BCAS1: variants seen among roughly 807,000 people sequenced by gnomAD.
BCAS1 encodes the protein breast carcinoma-amplified sequence 1.
Under a neutral mutation model 65.4 loss-of-function variants are expected in BCAS1, and 46 were observed. The ratio of observed to expected loss-of-function variants is 0.70; its 90% CI spans 0.55 to 0.90. BCAS1 has a LOEUF of 0.90. Among genes scored for constraint, BCAS1 ranks in the 40% least tolerant of loss-of-function variants. The pLI is 0.00. For missense variants in BCAS1, 793 were observed against 771.2 expected (o/e 1.03, Z -0.33); for synonymous variants, 298 against 293.5 (o/e 1.02, Z -0.16).
At chr20:53,999,257 A>G (rs1419185540) in intron 4 of BCAS1, among the ~76,000 whole-genome samples, 1 of 152,236 alleles carries the variant, frequency 6.6e-6, no homozygotes, top group East Asian at 1.9e-4. Flanking sequence ...ACTTGTTTAA[A>G]CCATGTCATC....
chr20:53,985,411 T>G lies in BCAS1; in HGVS notation c.1151A>C (p.Asn384Thr), dbSNP rs923847933. The change falls in exon 8 of 13, where the codon AAT becomes ACT. Residue 384 changes from asparagine to threonine, a missense_variant. Asn to Thr is a moderately conservative substitution (Grantham distance 65, BLOSUM62 0). Transcript: ENST00000688948. Reference sequence around the variant, plus strand: ...CCCCGATGGGTTGCATCCTTTGGAATTCTTGCCAGCCCCTTGGGTCTCCTG... The same window carrying G: ...CCCCGATGGGTTGCATCCTTTGGAAGTCTTGCCAGCCCCTTGGGTCTCCTG... ...TSQETQGAGK[N>T]SKGCNPSGHT... The G allele has an allele frequency of 6.2e-6, 10 of 1,613,954 alleles. No homozygotes were observed. The highest frequency in any genetic ancestry group is 1.7e-5 in the Admixed American group (1 of 59,984).
Position 53,948,708 on chromosome 20 carries a change from C to T in BCAS1, c.1816-3712G>A, listed in dbSNP as rs535366942. Among the ~76,000 whole-genome samples, 4 of 152,350 alleles carry T rather than the reference C, an allele frequency of 2.6e-5. 1 individual carries two copies. The South Asian group carries it at 8.3e-4, about 32-fold the overall frequency. ...AGGCCAAACCAGACCCATTCTCTTACCTGTTCTCTCTCCAGCCCAGTGAGG... is the reference window on the plus strand; with the variant it reads ...AGGCCAAACCAGACCCATTCTCTTATCTGTTCTCTCTCCAGCCCAGTGAGG... On this transcript the variant is annotated intron_variant, in intron 12 of 12. Coordinates refer to ENST00000688948, the MANE Select transcript of BCAS1 (RefSeq NM_001366298.2).
intron 4 of BCAS1, among the ~76,000 whole-genome samples, chr20:54,013,441 C>G (rs531471467): frequency 3.3e-5 from 5 of 152,214 alleles, no homozygotes; most frequent in Non-Finnish European, 5.9e-5. Context: ...CAAAAACATT[C>G]ATTGGCCAAG....
intron 3 of BCAS1, among the ~76,000 whole-genome samples, chr20:54,048,006 A>T (rs2092142681): frequency 6.6e-6 from 1 of 152,182 alleles, no homozygotes; most frequent in African/African-American, 2.4e-5. Context: ...ATAGTTGAGC[A>T]TAGAAAGTTG....
intron 6 of BCAS1, among the ~76,000 whole-genome samples, chr20:53,993,493 T>C (rs2090816916): frequency 6.6e-6 from 1 of 152,218 alleles, no homozygotes; most frequent in South Asian, 2.1e-4. Context: ...TCCACTAATG[T>C]GACCCCACAG....
Position 53,950,234 on chromosome 20 carries a change from A to G in BCAS1, c.1815+3198T>C, listed in dbSNP as rs2089471902. 4.6e-5 allele frequency among the ~76,000 whole-genome samples: 7 copies of G among 152,056 alleles called. No homozygotes were observed. In the South Asian group the frequency reaches 1.2e-3, roughly 27 times the overall value. On this transcript the variant is annotated intron_variant, in intron 12 of 12. Coordinates refer to ENST00000688948, the MANE Select transcript of BCAS1 (RefSeq NM_001366298.2). The stretch of plus-strand genomic sequence containing the variant: ...CTACCCTACCTCTCCACCCTCAGCA[A>G]CCACGGCCTTGTTTCTCTTCCTGAA...
intron 12 of BCAS1, among the ~76,000 whole-genome samples, chr20:53,952,928 T>C (rs2089572282): frequency 6.6e-6 from 1 of 152,258 alleles, no homozygotes; most frequent in South Asian, 2.1e-4. Context: ...TTAAATTTGA[T>C]TTGTCTAATT....
intron 3 of BCAS1, among the ~76,000 whole-genome samples, chr20:54,041,582 A>T (rs988896510): frequency 6.6e-6 from 1 of 152,096 alleles, no homozygotes; most frequent in African/African-American, 2.4e-5. Context: ...TGGAAAGCGT[A>T]TAAAAAAAGA....
At chr20:53,969,467 T>C (rs551340187) in intron 9 of BCAS1, among the ~76,000 whole-genome samples, 83 of 152,308 alleles carry the variant, frequency 5.4e-4, no homozygotes, top group African/African-American at 2.0e-3. Flanking sequence ...GCTTAGGAAA[T>C]ATAACATTAT....
intron 3 of BCAS1, among the ~76,000 whole-genome samples, chr20:54,054,209 T>C (rs1355125796): frequency 6.6e-6 from 1 of 152,178 alleles, no homozygotes; most frequent in African/African-American, 2.4e-5. Context: ...GTGGGGATTA[T>C]GGGAGCTACA....
At position 54,060,732 on chromosome 20, in the gene BCAS1, C is replaced by G. The variant is rs144407379; in HGVS notation, c.-5-2009G>C. 6.0e-4 allele frequency among the ~76,000 whole-genome samples: 91 copies of G among 152,212 alleles called. 1 individual carries two copies. Among genetic ancestry groups the G allele is most frequent in the African/African-American group, 2.1e-3 (89 of 41,526 alleles). On this transcript the variant is annotated intron_variant, in intron 1 of 12. Transcript: ENST00000688948. The stretch of plus-strand genomic sequence containing the variant: ...AATGACTGTTAATGTGGTTATTGTC[C>G]CATAGGTGAAGGGCAAAGTTGAATA...
chr20:54,060,297 G>C (rs141664203), intron 1 of BCAS1, among the ~76,000 whole-genome samples: 252 of 152,262 alleles, frequency 1.7e-3, no homozygotes, highest in African/African-American at 5.7e-3. Context: ...AAATGCATAG[G>C]GTTCTAAGTT....
intron 12 of BCAS1, 77 bp downstream of exon 12, chr20:53,953,355 T>G: frequency 6.4e-7 from 1 of 1,560,956 alleles, no homozygotes; most frequent in South Asian, 1.2e-5. Context: ...ACATGTAGAA[T>G]TTGAAAAACT....
chr20:54,021,281 G>C (rs2091552019), intron 4 of BCAS1, among the ~76,000 whole-genome samples: 1 of 151,490 alleles, frequency 6.6e-6, no homozygotes, highest in South Asian at 2.1e-4. Context: ...TCCAATTCCA[G>C]GTCACTGCAA....
At chr20:54,026,378 T>C (rs546635212) in intron 4 of BCAS1, among the ~76,000 whole-genome samples, 163 of 152,326 alleles carry the variant, frequency 1.1e-3, no homozygotes, top group African/African-American at 3.7e-3. Flanking sequence ...CTCCAAAACT[T>C]TTCCTCACTT....
At chr20:54,044,020 C>G (rs1422882612) in intron 3 of BCAS1, among the ~76,000 whole-genome samples, 1 of 152,116 alleles carries the variant, frequency 6.6e-6, no homozygotes, top group Non-Finnish European at 1.5e-5. Context: ...TTTGATCTCG[C>G]TGATTATTTT....
intron 7 of BCAS1, 133 bp from the exon 8 acceptor site, chr20:53,985,632 T>C: frequency 2.7e-6 from 2 of 753,774 alleles, no homozygotes; most frequent in Admixed American, 3.3e-5. Flanking sequence ...TTTTTCTGTA[T>C]TTTAAAAATT....
rs760970362 is a variant in BCAS1, at chr20:53,985,463, T to C, written c.1099A>G (p.Lys367Glu). 1 of 1,613,970 alleles carries C rather than the reference T, an allele frequency of 6.2e-7. No individual in the cohort carries two copies. The highest frequency in any genetic ancestry group is 8.5e-7 in the Non-Finnish European group (1 of 1,179,950). The stretch of plus-strand genomic sequence containing the variant: ...GATGTAAAGTTGGCTTTGTCTGACT[T>C]AAGGTCAGCTGAAGTGGTGGGTGAC... Reference protein sequence around the residue: ...EKSPTTSADLKSDKANFTSQE... With the variant: ...EKSPTTSADLESDKANFTSQE... The change falls in exon 8 of 13, where the codon AAG (lysine) becomes GAG (glutamate). Residue 367 changes from lysine to glutamate, a missense_variant. By Grantham distance (56) the Lys-to-Glu change is moderately conservative. Transcript: ENST00000688948.
chr20:53,985,781 T>G (rs947901798), intron 7 of BCAS1, among the ~76,000 whole-genome samples: 3 of 152,164 alleles, frequency 2.0e-5, no homozygotes, highest in African/African-American at 7.2e-5. Flanking sequence ...AAGAGACCCT[T>G]TGCTGTTAGA....
Sources: gnomAD v4.1 joint callset for allele counts (sites outside exome capture counted in the v4.1 genomes callset) on GRCh38, gnomAD v4.1.1 for gene constraint, MANE v1.5 for transcripts, NCBI Gene and HGNC (gene_info 2026-07-23, HGNC 2026-07-21) for gene names.